DMD: variants seen among roughly 807,000 people sequenced by gnomAD.
The protein encoded by DMD is mutant dystrophin.
A neutral mutation model predicts 330.1 loss-of-function variants in DMD; 63 were observed. The observed-to-expected ratio is 0.19, with a 90% confidence interval of 0.16 to 0.24. The LOEUF is 0.24. Ranked by LOEUF, DMD falls within the 10% of genes least tolerant of loss-of-function variation. The pLI, the probability that DMD is intolerant of heterozygous loss-of-function variation, is 1.00. For synonymous variants in DMD, 1,223 were observed against 959.8 expected (o/e 1.27, Z -5.07); for missense variants, 3,344 against 2,684.1 (o/e 1.25, Z -5.43).
chrX:32,403,183 T>C (rs748705411), intron 30 of DMD, among the ~76,000 whole-genome samples: 3 of 112,129 alleles, frequency 2.7e-5, no homozygotes, highest in Non-Finnish European at 5.6e-5. Flanking sequence ...CTAAGTGTTA[T>C]CTGGCTGTGC....
intron 7 of DMD, among the ~76,000 whole-genome samples, chrX:32,721,068 G>A (rs1195797817): frequency 1.9e-5 from 2 of 102,950 alleles, no homozygotes; most frequent in Non-Finnish European, 3.8e-5. Context: ...CTGAATATTT[G>A]TGTGTGTGTG....
chrX:32,794,349 G>A (rs2076033964), intron 7 of DMD, among the ~76,000 whole-genome samples: 1 of 111,992 alleles, frequency 8.9e-6, no homozygotes, highest in African/African-American at 3.2e-5. Flanking sequence ...CAGCACTTTG[G>A]GAGGCAGAGG....
At chrX:31,341,883 G>GACACACA (rs1491287928) in intron 61 of DMD, among the ~76,000 whole-genome samples, 47 of 53,405 alleles carry the variant, frequency 8.8e-4, no homozygotes, top group Non-Finnish European at 7.8e-4. Flanking sequence ...GCGCGTGCGT[G>GACACACA]CGCGCGCGCA....
chrX:31,774,073 G>A lies in DMD; in HGVS notation c.7429C>T (p.Arg2477Trp), dbSNP rs759274835. ...LEVPALADFNRAWTELTDWLS... is the reference protein window; with the variant it reads ...LEVPALADFNWAWTELTDWLS... Reference sequence around the variant, plus strand: ...CAGTCGGTAAGTTCTGTCCAAGCCCGGTTGAAATCTGCCAGAGCAGGTACC... The same window carrying A: ...CAGTCGGTAAGTTCTGTCCAAGCCCAGTTGAAATCTGCCAGAGCAGGTACC... The change falls in exon 51 of 79, where the codon CGG (arginine) becomes TGG (tryptophan). Residue 2477 changes from arginine to tryptophan, a missense_variant. Arg to Trp is a moderately radical substitution (Grantham distance 101, BLOSUM62 -3). Transcript: ENST00000357033. The A allele has an allele frequency of 1.2e-5, 14 of 1,208,181 alleles. No individual in the cohort carries two copies. Among genetic ancestry groups the A allele is most frequent in the Middle Eastern group, 2.3e-4 (1 of 4,351 alleles).
At chrX:31,548,801 AT>A (rs1385482814) in intron 55 of DMD, among the ~76,000 whole-genome samples, 1 of 109,580 alleles carries the variant, frequency 9.1e-6, no homozygotes, top group Non-Finnish European at 1.9e-5. Flanking sequence ...CTAGAAAATC[AT>A]TTTTTTTCAA....
chrX:31,649,778 T>C (rs1022069670), intron 54 of DMD, among the ~76,000 whole-genome samples: 1 of 110,834 alleles, frequency 9.0e-6, no homozygotes, highest in South Asian at 3.8e-4. Context: ...GAAAGACACA[T>C]TTTCATACTG....
At chrX:32,688,270 A>G (rs1173922496) in intron 9 of DMD, among the ~76,000 whole-genome samples, 1 of 111,794 alleles carries the variant, frequency 8.9e-6, no homozygotes, top group Non-Finnish European at 1.9e-5. Flanking sequence ...TGTAACATCC[A>G]CAGCAATACC....
At chrX:32,131,980 T>C (rs1212396676) in intron 44 of DMD, among the ~76,000 whole-genome samples, 1 of 111,750 alleles carries the variant, frequency 8.9e-6, no homozygotes, top group African/African-American at 3.2e-5. Context: ...TCAATGGAGA[T>C]GATGGCTATA....
At chrX:33,029,027 T>C (rs1472626917) in intron 1 of DMD, among the ~76,000 whole-genome samples, 1 of 111,623 alleles carries the variant, frequency 9.0e-6, no homozygotes, top group Non-Finnish European at 1.9e-5. Context: ...GAAGCAGAAA[T>C]AGGTACTTAG....
chrX:32,446,027 A>C (rs949062739), intron 27 of DMD, among the ~76,000 whole-genome samples: 1 of 110,516 alleles, frequency 9.0e-6, no homozygotes, highest in Non-Finnish European at 1.9e-5. Context: ...AGAGATAAGA[A>C]TATAGAAAAT....
chrX:32,791,748 G>T (rs1266230717), intron 7 of DMD, among the ~76,000 whole-genome samples: 1 of 111,546 alleles, frequency 9.0e-6, no homozygotes, highest in Non-Finnish European at 1.9e-5. Flanking sequence ...ACACCATAAA[G>T]CCATGAAATG....
intron 22 of DMD, among the ~76,000 whole-genome samples, chrX:32,471,724 A>G (rs924338270): frequency 2.7e-5 from 3 of 112,022 alleles, no homozygotes; most frequent in African/African-American, 9.7e-5. Context: ...GGACTTGAAC[A>G]TCTGTGAATT....
intron 2 of DMD, among the ~76,000 whole-genome samples, chrX:33,007,000 C>A (rs2093410222): frequency 9.0e-6 from 1 of 110,601 alleles, no homozygotes; most frequent in South Asian, 3.8e-4. Context: ...AAAATTCGAT[C>A]ATTTCTCCCC....
chrX:32,701,798 G>A (rs978213001), intron 7 of DMD, among the ~76,000 whole-genome samples: 9 of 111,407 alleles, frequency 8.1e-5, no homozygotes, highest in African/African-American at 2.3e-4. Flanking sequence ...TGAAAAATTG[G>A]CCAAGCATTA....
chrX:31,832,103 T>C lies in DMD; in HGVS notation c.7200+4615A>G, dbSNP rs766303733. On this transcript the variant is annotated intron_variant, in intron 49 of 78. Transcript: ENST00000357033. ...GGACAATTTTTGTCTGTTATCTCTC[T>C]ATTGATTTCTGTTGCTACAAGTGAA... is the stretch of plus-strand genomic sequence containing the variant. Among the ~76,000 whole-genome samples, 6 of 112,127 alleles carry C rather than the reference T, an allele frequency of 5.4e-5. No homozygotes were observed. In the South Asian group the frequency reaches 1.9e-3, roughly 35 times the overall value.
intron 42 of DMD, among the ~76,000 whole-genome samples, chrX:32,293,778 C>A (rs1406870517): frequency 9.0e-6 from 1 of 111,604 alleles, no homozygotes; most frequent in East Asian, 2.8e-4. Flanking sequence ...ATCTCAGCAT[C>A]AAACAATATA....
intron 7 of DMD, among the ~76,000 whole-genome samples, chrX:32,708,699 T>C (rs1423025980): frequency 9.0e-6 from 1 of 111,272 alleles, no homozygotes; most frequent in Non-Finnish European, 1.9e-5. Context: ...ATGGCTCCAT[T>C]TCCTAATTCC....
chrX:32,038,312 C>T, intron 44 of DMD, among the ~76,000 whole-genome samples: 1 of 111,885 alleles, frequency 8.9e-6, no homozygotes, highest in East Asian at 2.8e-4. Context: ...ACAGCTTTGT[C>T]CCGTGACCTT....
At chrX:33,073,687 C>T (rs754947800) in intron 1 of DMD, among the ~76,000 whole-genome samples, 1 of 110,146 alleles carries the variant, frequency 9.1e-6, no homozygotes, top group East Asian at 2.9e-4. Flanking sequence ...AAAAAATTAG[C>T]CGGGCTTGGT....
Sources: gnomAD v4.1 joint callset for allele counts (sites outside exome capture counted in the v4.1 genomes callset) on GRCh38, gnomAD v4.1.1 for gene constraint, MANE v1.5 for transcripts, NCBI Gene and HGNC (gene_info 2026-07-23, HGNC 2026-07-21) for gene names.